ZNRF1: variants seen among roughly 807,000 people sequenced by gnomAD.
ZNRF1 encodes zinc and ring finger 1.
In ZNRF1, 3 loss-of-function variants were observed where a neutral mutation model predicts 18.4. The observed-to-expected ratio is 0.16, with a 90% CI of 0.07 to 0.42. The LOEUF (loss-of-function observed/expected upper bound fraction) is 0.42, where lower values mean the gene tolerates loss of function less well. ZNRF1 is among the 10% of genes least tolerant of loss of function. ZNRF1 has a pLI of 0.99. For synonymous variants in ZNRF1, 157 were observed against 144.2 expected, an observed-to-expected ratio of 1.09 and a Z score of -0.64; for missense variants, 310 against 329.8, an observed-to-expected ratio of 0.94 and a Z score of 0.47.
chr16:75,003,237 C>T (rs1234250901), intron 1 of ZNRF1, among the ~76,000 whole-genome samples: 3 of 152,242 alleles, frequency 2.0e-5, no homozygotes, highest in Non-Finnish European at 4.4e-5. Context: ...GATAGGATTA[C>T]AGGCGTGAGC....
intron 1 of ZNRF1, among the ~76,000 whole-genome samples, chr16:75,029,011 G>A (rs2035262528): frequency 6.7e-6 from 1 of 150,340 alleles, no homozygotes; most frequent in African/African-American, 2.4e-5. Flanking sequence ...ACTTGGTGAA[G>A]TCATTAATAT....
At chr16:75,077,935 C>T (rs1254596141) in intron 1 of ZNRF1, among the ~76,000 whole-genome samples, 2 of 152,218 alleles carry the variant, frequency 1.3e-5, no homozygotes, top group Non-Finnish European at 2.9e-5. Flanking sequence ...ATCGGACCCA[C>T]CTGAATAAGG....
chr16:75,048,251 A>G (rs2035541879), intron 1 of ZNRF1, among the ~76,000 whole-genome samples: 1 of 152,074 alleles, frequency 6.6e-6, no homozygotes, highest in Non-Finnish European at 1.5e-5. Context: ...CCCAGCCCCT[A>G]ATCTCCTATT....
chr16:75,083,654 A>G (rs1014534473), intron 1 of ZNRF1, among the ~76,000 whole-genome samples: 5 of 152,226 alleles, frequency 3.3e-5, no homozygotes, highest in South Asian at 2.1e-4. Context: ...AAGGAAGCCT[A>G]TATTTGTAAA....
At chr16:75,005,436 A>G (rs1210069690) in intron 1 of ZNRF1, among the ~76,000 whole-genome samples, 1 of 152,222 alleles carries the variant, frequency 6.6e-6, no homozygotes, top group East Asian at 1.9e-4. Flanking sequence ...GTCACAAGGA[A>G]TACTTAGGCC....
chr16:75,069,706 A>C (rs762496719), intron 1 of ZNRF1, among the ~76,000 whole-genome samples: 1 of 152,150 alleles, frequency 6.6e-6, no homozygotes, highest in Non-Finnish European at 1.5e-5. Context: ...GCCATTGTGC[A>C]TGGCCTCATC....
intron 1 of ZNRF1, among the ~76,000 whole-genome samples, chr16:75,028,287 C>CTTTTTGT (rs879827443): frequency 3.9e-4 from 59 of 152,268 alleles, no homozygotes; most frequent in Middle Eastern, 6.8e-3. Flanking sequence ...CATTCTGGTA[C>CTTTTTGT]TTTTTGTTTT....
chr16:75,066,967 C>T (rs2035813345), intron 1 of ZNRF1, among the ~76,000 whole-genome samples: 1 of 152,156 alleles, frequency 6.6e-6, no homozygotes, highest in African/African-American at 2.4e-5. Flanking sequence ...TTGAGAGCAG[C>T]TCTGCCAAGC....
chr16:75,042,615 A>C (rs1403159358), intron 1 of ZNRF1, among the ~76,000 whole-genome samples: 1 of 151,940 alleles, frequency 6.6e-6, no homozygotes, highest in Non-Finnish European at 1.5e-5. Flanking sequence ...GTCTGTTGCT[A>C]TTGTGGTTAC....
intron 1 of ZNRF1, among the ~76,000 whole-genome samples, chr16:75,088,040 G>A (rs1200474458): frequency 6.6e-6 from 1 of 152,246 alleles, no homozygotes; most frequent in Non-Finnish European, 1.5e-5. Context: ...CATGCAGGCC[G>A]AATGAGTTTG....
At chr16:75,056,470 T>A (rs2035669463) in intron 1 of ZNRF1, among the ~76,000 whole-genome samples, 1 of 152,220 alleles carries the variant, frequency 6.6e-6, no homozygotes, top group South Asian at 2.1e-4. Context: ...GATGTTTACC[T>A]TTCTTGGTTG....
intron 1 of ZNRF1, among the ~76,000 whole-genome samples, chr16:75,075,531 G>A (rs1381012212): frequency 6.6e-6 from 1 of 152,242 alleles, no homozygotes; most frequent in African/African-American, 2.4e-5. Context: ...TCAGACAGCA[G>A]GCTGACTGCC....
At chr16:75,031,922 G>C (rs117734917) in intron 1 of ZNRF1, among the ~76,000 whole-genome samples, 6,926 of 152,124 alleles carry the variant, frequency 0.046, 254 homozygotes, top group Non-Finnish European at 0.064. Flanking sequence ...TTGCCAGACT[G>C]TTTTCCAAAG....
rs373031628 is a variant in ZNRF1, at chr16:75,101,479, G to C, written c.521-3305G>C. On this transcript the variant is annotated intron_variant, in intron 2 of 4. Coordinates refer to ENST00000335325, the MANE Select transcript of ZNRF1 (RefSeq NM_032268.5). ...TGAGGCAGGAGAAACTCTTGAGGCG[G>C]AGGTTGCAGTGAGCTGAGATCATGC... Among the ~76,000 whole-genome samples, 5 of 152,146 alleles carry C rather than the reference G, an allele frequency of 3.3e-5. No homozygotes were observed. In the South Asian group the frequency reaches 1.0e-3, roughly 32 times the overall value.
At chr16:75,066,294 C>G (rs2035803203) in intron 1 of ZNRF1, among the ~76,000 whole-genome samples, 2 of 152,130 alleles carry the variant, frequency 1.3e-5, no homozygotes, top group Admixed American at 1.3e-4. Flanking sequence ...ATACTGTTTT[C>G]CCCCAAAATA....
At chr16:75,061,123 C>G in intron 1 of ZNRF1, among the ~76,000 whole-genome samples, 1 of 152,100 alleles carries the variant, frequency 6.6e-6, no homozygotes, top group East Asian at 1.9e-4. Flanking sequence ...AATGGGGTAT[C>G]CATCCCCTCA....
chr16:75,071,562 T>C (rs555967749), intron 1 of ZNRF1, among the ~76,000 whole-genome samples: 1 of 152,278 alleles, frequency 6.6e-6, no homozygotes, highest in Non-Finnish European at 1.5e-5. Context: ...TGGCTGCATC[T>C]TTTGTGTGAC....
chr16:75,063,722 T>C (rs1567483433), intron 1 of ZNRF1, among the ~76,000 whole-genome samples: 1 of 152,198 alleles, frequency 6.6e-6, no homozygotes, highest in Non-Finnish European at 1.5e-5. Flanking sequence ...TGCGAGCACC[T>C]TGCAGACCTG....
chr16:74,999,861 G>A lies in ZNRF1; in HGVS notation c.190G>A (p.Ala64Thr). 6.6e-7 allele frequency: 1 copy of A among 1,515,806 alleles called. No homozygotes were observed. The highest frequency in any genetic ancestry group is 2.1e-5 in the Admixed American group (1 of 47,426). The allele number at this position is 1,515,806 out of a possible 1,614,324, so 93.9% of individuals were successfully genotyped here. ...AGGCATGGGCATGGACCCCAGCACG[G>A]CCGGGGGGGTGCCCTTTGGCCTCTA... is the stretch of plus-strand genomic sequence containing the variant. ...VAGMGMDPST[A>T]GGVPFGLYTP... The change falls in exon 1 of 5, where the codon GCC (alanine) becomes ACC (threonine). Residue 64 changes from alanine to threonine, a missense_variant. Ala to Thr is a moderately conservative substitution (Grantham distance 58). Transcript: ENST00000335325.
Sources: gnomAD v4.1 joint callset for allele counts (sites outside exome capture counted in the v4.1 genomes callset) on GRCh38, gnomAD v4.1.1 for gene constraint, MANE v1.5 for transcripts, NCBI Gene and HGNC (gene_info 2026-07-23, HGNC 2026-07-21) for gene names.